TRAIP: variants seen among roughly 807,000 people sequenced by gnomAD.
TRAIP encodes E3 ubiquitin-protein ligase TRAIP.
TRAIP carries 37 observed loss-of-function variants against 65.0 expected under a neutral mutation model. The observed-to-expected ratio is 0.57, with a 90% confidence interval of 0.44 to 0.75. The LOEUF (loss-of-function observed/expected upper bound fraction) is 0.75. Ranked by LOEUF, TRAIP falls within the 30% of genes least tolerant of loss-of-function variation. TRAIP has a pLI of 0.00. For synonymous variants in TRAIP, 187 were observed against 219.1 expected, an observed-to-expected ratio of 0.85 and a Z score of 1.29; for missense variants, 481 against 579.4, an observed-to-expected ratio of 0.83 and a Z score of 1.74.
Position 49,841,936 on chromosome 3 carries a change from A to G in TRAIP, c.507T>C (p.Ile169=). Residue 169 remains isoleucine (I), a synonymous_variant, in exon 7 of 15, where the codon ATT becomes ATC. Transcript: ENST00000331456. ...LRSKMKTMEQ[I]ELLLQSQRPE... ...GGCGCTGGCTCTGGAGTAGAAGCTCAATCCTGAAAAATACACCCAGCCCAC... is the reference window on the plus strand; with the variant it reads ...GGCGCTGGCTCTGGAGTAGAAGCTCGATCCTGAAAAATACACCCAGCCCAC... The G allele has an allele frequency of 2.5e-6, 4 of 1,612,576 alleles. No homozygotes were observed. The highest frequency in any genetic ancestry group is 3.4e-6 in the Non-Finnish European group (4 of 1,178,572).
chr3:49,843,825 G>A lies in TRAIP; in HGVS notation c.384C>T (p.Ala128=), dbSNP rs149686258. Reference sequence around the variant, plus strand: ...CTTTCAGTGTGGAGCACAGCATCTCGGCCTTGCCCAAGGCCTGCTGCAGAG... The same window carrying A: ...CTTTCAGTGTGGAGCACAGCATCTCAGCCTTGCCCAAGGCCTGCTGCAGAG... ...VVSLQQALGK[A]EMLCSTLKKQ... Residue 128 remains alanine (A), a synonymous_variant, in exon 5 of 15, where the codon GCC becomes GCT. Coordinates refer to ENST00000331456, the MANE Select transcript of TRAIP (RefSeq NM_005879.3). 1.7e-5 allele frequency: 28 copies of A among 1,613,522 alleles called. No individual in the cohort carries two copies. Among genetic ancestry groups the A allele is most frequent in the Middle Eastern group, 3.3e-4 (2 of 6,080 alleles).
In TRAIP at chr3:49,840,371, C is replaced by T; in HGVS notation, c.708G>A (p.Leu236=). The T allele has an allele frequency of 2.5e-6, 4 of 1,613,900 alleles. No individual in the cohort carries two copies. Among genetic ancestry groups the T allele is most frequent in the Non-Finnish European group, 3.4e-6 (4 of 1,179,764 alleles). The stretch of plus-strand genomic sequence containing the variant: ...GATCCAATTCAGAGTAGACTGTCTG[C>T]AACTATAAGAAAGTGTAGGGAATGA... ...RKDLFSSRSK[L]QTVYSELDQA... Residue 236 remains leucine (L), a splice_region_variant and synonymous_variant, in exon 9 of 15, where the codon TTG becomes TTA. Transcript: ENST00000331456.
At chr3:49,846,946 C>T (rs1224475352) in intron 3 of TRAIP, among the ~76,000 whole-genome samples, 2 of 151,972 alleles carry the variant, frequency 1.3e-5, no homozygotes, top group African/African-American at 4.8e-5. Context: ...TTTGGGAGGC[C>T]GAGGTGGGTG....
At position 49,848,125 on chromosome 3, in the gene TRAIP, C is replaced by T; in HGVS notation, c.156+18G>A. 1 of 1,613,928 alleles carries T rather than the reference C, an allele frequency of 6.2e-7. No homozygotes were observed. Among genetic ancestry groups the T allele is most frequent in the Non-Finnish European group, 8.5e-7 (1 of 1,179,822 alleles). On this transcript the variant is annotated intron_variant, in intron 2 of 14. Transcript: ENST00000331456. ...GGAGATCTCTTCAGTTGAGGTGGTC[C>T]CACCCCAATACTCTCACCTGGATTC...
Position 49,830,014 on chromosome 3 carries a change from TCTTA to T in TRAIP, c.1086+2_1086+5del. ...TTAGACTGTGCTTCTTCTAGAAAGC[TCTTA>T]CCTTCCTGGGGCCTTTGCATATCTT... On this transcript the variant is annotated splice_donor_variant and splice_donor_5th_base_variant and intron_variant, in intron 12 of 14. Transcript: ENST00000331456. LOFTEE classifies it high-confidence loss of function. The T allele has an allele frequency of 6.2e-7, 1 of 1,614,190 alleles. No individual in the cohort carries two copies. Among genetic ancestry groups the T allele is most frequent in the Non-Finnish European group, 8.5e-7 (1 of 1,180,022 alleles).
At chr3:49,840,515 GC>G in intron 8 of TRAIP, 142 bp from the exon 9 acceptor site, 1 of 678,138 alleles carries the variant, frequency 1.5e-6, no homozygotes, top group South Asian at 1.8e-5. Context: ...CTGAGGCTAG[GC>G]CTCAGTCTGG....
rs2081820991 is a variant in TRAIP, at chr3:49,839,779, A to G, written c.877T>C (p.Leu293=). The G allele has an allele frequency of 6.2e-7, 1 of 1,613,976 alleles. No individual in the cohort carries two copies. Among genetic ancestry groups the G allele is most frequent in the Admixed American group, 1.7e-5 (1 of 60,000 alleles). ...VASETVDRLV[L]ESPAPVEVNL... is the part of the protein sequence containing the mutation. The stretch of plus-strand genomic sequence containing the variant: ...GCCCAAGGCTCAACAAACCTCTCTA[A>G]AACCAGGCGGTCGACAGTCTCACTG... Residue 293 remains leucine, a synonymous_variant, in exon 10 of 15, where the codon TTA becomes CTA. Transcript: ENST00000331456.
intron 10 of TRAIP, among the ~76,000 whole-genome samples, chr3:49,837,877 C>T (rs546252154): frequency 1.3e-5 from 2 of 148,736 alleles, no homozygotes; most frequent in African/African-American, 5.0e-5. Context: ...CCACCACGCC[C>T]GGACTTTTTT....
chr3:49,839,447 G>A (rs905887539), intron 10 of TRAIP, among the ~76,000 whole-genome samples: 2 of 152,120 alleles, frequency 1.3e-5, no homozygotes, highest in Non-Finnish European at 2.9e-5. Context: ...ATTTTACAGT[G>A]GTTTCATATT....
chr3:49,829,460 G>C lies in TRAIP; in HGVS notation c.1285C>G (p.Pro429Ala). 2 of 1,614,130 alleles carry C rather than the reference G, an allele frequency of 1.2e-6. No homozygotes were observed. Among genetic ancestry groups the C allele is most frequent in the South Asian group, 2.2e-5 (2 of 91,082 alleles). ...TCAACATCACAGGAAAAGGATACAG[G>C]CTGGATGAATTTTGTCCGGCCACCG... ...GLGGRTKFIQ[P>A]TDTVMIRPLP... Residue 429 changes from proline to alanine, a missense_variant and splice_region_variant, in exon 14 of 15, where the codon CCT becomes GCT. Physicochemically the swap from Pro to Ala is conservative, Grantham distance 27 (BLOSUM62 -1). Coordinates refer to ENST00000331456, the MANE Select transcript of TRAIP (RefSeq NM_005879.3).
chr3:49,852,486 T>C (rs62260729), intron 1 of TRAIP, among the ~76,000 whole-genome samples: 37,612 of 151,836 alleles, frequency 0.25, 5,021 homozygotes, highest in South Asian at 0.31. Context: ...CCAGGCGCGG[T>C]GGCTCACGCC....
At chr3:49,829,987 G>A (rs1266827474) in intron 12 of TRAIP, 33 bp downstream of exon 12, 2 of 1,613,830 alleles carry the variant, frequency 1.2e-6, no homozygotes, top group South Asian at 2.2e-5. Flanking sequence ...TCCTGCCAAA[G>A]GTTAGACTGT....
chr3:49,849,172 GT>G (rs899377016), intron 1 of TRAIP, among the ~76,000 whole-genome samples: 2 of 151,052 alleles, frequency 1.3e-5, no homozygotes, highest in Non-Finnish European at 2.9e-5. Context: ...TAAATTTTTT[GT>G]TTTTTTGTTT....
At position 49,828,917 on chromosome 3, in the gene TRAIP, G is replaced by T; in HGVS notation, c.*186C>A. ...CTGGTCATGTCAGCTCCCAGTCGTAGGAGTGGGGCAGGGTGAGGGCAGGAA... is the reference window on the plus strand; with the variant it reads ...CTGGTCATGTCAGCTCCCAGTCGTATGAGTGGGGCAGGGTGAGGGCAGGAA... On this transcript the variant is annotated 3_prime_UTR_variant, in exon 15 of 15. Coordinates refer to ENST00000331456, the MANE Select transcript of TRAIP (RefSeq NM_005879.3). The T allele has an allele frequency of 1.4e-6, 1 of 734,244 alleles. No homozygotes were observed. Among genetic ancestry groups the T allele is most frequent in the Non-Finnish European group, 2.3e-6 (1 of 440,590 alleles). The allele number at this position is 734,244 out of a possible 1,614,324, so 45.5% of individuals were successfully genotyped here. A position where few individuals can be genotyped will look rare whatever the true frequency, so the allele number is the denominator to read the frequency against.
chr3:49,836,527 GA>G (rs1170739482), intron 10 of TRAIP, among the ~76,000 whole-genome samples: 1 of 149,700 alleles, frequency 6.7e-6, no homozygotes, highest in African/African-American at 2.5e-5. Context: ...AAAAGAAAAA[GA>G]AAAAGCAAAG....
Position 49,856,479 on chromosome 3 carries a change from C to T in TRAIP, c.-26G>A. 7 of 1,604,958 alleles carry T rather than the reference C, an allele frequency of 4.4e-6. No homozygotes were observed. The highest frequency in any genetic ancestry group is 6.0e-6 in the Non-Finnish European group (7 of 1,174,248). On this transcript the variant is annotated 5_prime_UTR_variant, in exon 1 of 15. Transcript: ENST00000331456. ...GATGGCTGGACTCAAGGGGCCCAGG[C>T]AGCCAAAGAAACTGCTACAGGTCCG...
At chr3:49,844,151 CT>C in intron 4 of TRAIP, 1 of 614,444 alleles carries the variant, frequency 1.6e-6, no homozygotes, top group Non-Finnish European at 2.8e-6. Flanking sequence ...GCTTGAACTA[CT>C]TAGGAAAATA....
At chr3:49,839,942 C>T in intron 9 of TRAIP, 82 bp from the exon 10 acceptor site, 3 of 1,384,320 alleles carry the variant, frequency 2.2e-6, no homozygotes, top group South Asian at 2.3e-5. Context: ...GAGCAGCATG[C>T]ATGAAAGGCC....
chr3:49,836,685 GGT>G (rs2081790512), intron 10 of TRAIP, among the ~76,000 whole-genome samples: 1 of 152,110 alleles, frequency 6.6e-6, no homozygotes, highest in African/African-American at 2.4e-5. Context: ...AGTTGGGCGT[GGT>G]GGTGCATGCC....
Sources: allele counts gnomAD v4.1 joint callset (sites outside exome capture counted in the v4.1 genomes callset), GRCh38; gene constraint gnomAD v4.1.1; transcripts MANE v1.5; gene names NCBI Gene and HGNC (gene_info 2026-07-23, HGNC 2026-07-21).